ADAM7: variants seen among roughly 807,000 people sequenced by gnomAD.
ADAM7 encodes the protein disintegrin and metalloproteinase domain-containing protein 7.
ADAM7 carries 97 observed loss-of-function variants against 102.9 expected under a neutral mutation model. That is an observed-to-expected ratio of 0.94 (90% CI 0.80 to 1.12). ADAM7 has a LOEUF of 1.12. Among genes scored for constraint, ADAM7 ranks in the 50% most tolerant of loss-of-function variants. The pLI is 0.00. For missense variants in ADAM7, 991 were observed against 908.7 expected (o/e 1.09, Z -1.16); for synonymous variants, 334 against 304.4 (o/e 1.10, Z -1.01).
At chr8:24,481,146 T>C (rs1032401619) in intron 8 of ADAM7, among the ~76,000 whole-genome samples, 1 of 152,162 alleles carries the variant, frequency 6.6e-6, no homozygotes, top group Non-Finnish European at 1.5e-5. Context: ...CCAGGGTAGA[T>C]TTGAAGTCAG....
intron 16 of ADAM7, among the ~76,000 whole-genome samples, chr8:24,495,461 C>G (rs939797238): frequency 2.4e-4 from 36 of 151,438 alleles, no homozygotes; most frequent in African/African-American, 7.8e-4. Flanking sequence ...AATATAAGAG[C>G]CAAATGGAAA....
chr8:24,476,377 A>G lies in ADAM7; in HGVS notation c.634-56A>G, dbSNP rs1283677266. 11 of 1,318,918 alleles carry G rather than the reference A, an allele frequency of 8.3e-6. No individual in the cohort carries two copies. The Admixed American group carries it at 1.9e-4, about 23-fold the overall frequency. 81.7% of individuals were successfully genotyped at this position (1,318,918 alleles called of 1,614,324 possible). On this transcript the variant is annotated intron_variant, in intron 7 of 21. Transcript: ENST00000175238. ...AGCTGATGAATGAAGTATTTTGTTG[A>G]GCTTTTATGCAACTCCTATTATTAA...
chr8:24,466,648 A>G, intron 5 of ADAM7, 151 bp from the exon 6 acceptor site: 5 of 637,776 alleles, frequency 7.8e-6, no homozygotes, highest in Non-Finnish European at 1.3e-5. Flanking sequence ...AAGGCCTCAT[A>G]TCATCACATT....
chr8:24,504,240 C>G (rs1820870758), intron 20 of ADAM7, among the ~76,000 whole-genome samples: 1 of 151,698 alleles, frequency 6.6e-6, no homozygotes, highest in African/African-American at 2.4e-5. Flanking sequence ...ATGGTGCACA[C>G]CTGTAGTCCC....
At position 24,490,795 on chromosome 8, in the gene ADAM7, C is replaced by T. The variant is rs753708914; in HGVS notation, c.1267-4C>T. ...TCTCATCTCTCTTTTGTGGTTATTGCCAGGAGTGTACTAATCCTTGCTGTG... is the reference window on the plus strand; with the variant it reads ...TCTCATCTCTCTTTTGTGGTTATTGTCAGGAGTGTACTAATCCTTGCTGTG... On this transcript the variant is annotated splice_region_variant and splice_polypyrimidine_tract_variant and intron_variant, in intron 12 of 21. Coordinates refer to ENST00000175238, the MANE Select transcript of ADAM7 (RefSeq NM_003817.4). 1 of 1,612,042 alleles carries T rather than the reference C, an allele frequency of 6.2e-7. No individual in the cohort carries two copies. Among genetic ancestry groups the T allele is most frequent in the Non-Finnish European group, 8.5e-7 (1 of 1,179,200 alleles).
At chr8:24,461,646 T>A (rs1439315406) in intron 3 of ADAM7, among the ~76,000 whole-genome samples, 1 of 152,152 alleles carries the variant, frequency 6.6e-6, no homozygotes, top group Non-Finnish European at 1.5e-5. Context: ...ATCAGTATGT[T>A]AGTCTTTTGA....
At chr8:24,467,312 C>A in intron 6 of ADAM7, 1 of 364,212 alleles carries the variant, frequency 2.7e-6, no homozygotes, top group Non-Finnish European at 4.9e-6. Flanking sequence ...CCTTTTCTTC[C>A]CTGCCATTTT....
rs1819770185 is a variant in ADAM7 at position 24,476,420 on chromosome 8, T to G, written c.634-13T>G. On this transcript the variant is annotated splice_polypyrimidine_tract_variant and intron_variant, in intron 7 of 21. Transcript: ENST00000175238. ...ATTATTAATGAATATTAATATGATA[T>G]TTATATTTCCAGTATCGCAGAAATG... 3 of 1,573,922 alleles carry G rather than the reference T, an allele frequency of 1.9e-6. No homozygotes were observed. Among genetic ancestry groups the G allele is most frequent in the African/African-American group, 2.7e-5 (2 of 73,972 alleles).
At chr8:24,442,720 GA>G in intron 2 of ADAM7, 144 bp downstream of exon 2, 1 of 666,416 alleles carries the variant, frequency 1.5e-6, no homozygotes, top group East Asian at 2.7e-5. Context: ...ATGTGCTTGG[GA>G]ATAAGCAACC....
chr8:24,469,380 A>G (rs78842359), intron 7 of ADAM7, among the ~76,000 whole-genome samples: 3,453 of 152,300 alleles, frequency 0.023, 57 homozygotes, highest in Non-Finnish European at 0.037. Flanking sequence ...CTGTCTGCCT[A>G]TAGCCATGAG....
In ADAM7 at chr8:24,487,326, C is replaced by T. The variant is rs146199124; in HGVS notation, c.1091+9C>T. On this transcript the variant is annotated intron_variant, in intron 11 of 21. Coordinates refer to ENST00000175238, the MANE Select transcript of ADAM7 (RefSeq NM_003817.4). ...ATGGACAGTGATGGAAGGTGAGATT[C>T]GAACAATGTACAGAATACACTTACA... 9.8e-5 allele frequency: 158 copies of T among 1,612,788 alleles called. 1 individual carries two copies. The highest frequency in any genetic ancestry group is 9.6e-4 in the South Asian group (87 of 91,018).
At chr8:24,489,494 T>C (rs1820264355) in intron 12 of ADAM7, among the ~76,000 whole-genome samples, 161 bp downstream of exon 12, 1 of 152,206 alleles carries the variant, frequency 6.6e-6, no homozygotes, top group African/African-American at 2.4e-5. Flanking sequence ...AAATTATTGG[T>C]GCAGCCTCAT....
Position 24,492,068 on chromosome 8 carries a change from G to C in ADAM7, c.1522G>C (p.Glu508Gln), listed in dbSNP as rs757672781. The C allele has an allele frequency of 6.2e-7, 1 of 1,613,762 alleles. No individual in the cohort carries two copies. Among genetic ancestry groups the C allele is most frequent in the South Asian group, 1.1e-5 (1 of 91,036 alleles). Reference protein sequence around the residue: ...YCFMGKCPTREDQCSELFDDE... With the variant: ...YCFMGKCPTRQDQCSELFDDE... ...TTTCATGGGGAAATGTCCAACTCGT[G>C]AGGATCAGTGCTCTGAACTATTTGA... The change falls in exon 14 of 22, where the codon GAG becomes CAG. Residue 508 changes from glutamate (E) to glutamine (Q), a missense_variant. By Grantham distance (29) the Glu-to-Gln change is conservative (BLOSUM62 2). Transcript: ENST00000175238.
chr8:24,481,467 G>T (rs2129388112), intron 8 of ADAM7, among the ~76,000 whole-genome samples: 1 of 152,176 alleles, frequency 6.6e-6, no homozygotes, highest in Non-Finnish European at 1.5e-5. Flanking sequence ...ATATAAAACT[G>T]ATACAACACA....
intron 8 of ADAM7, among the ~76,000 whole-genome samples, chr8:24,479,732 C>T (rs1819886545): frequency 6.6e-6 from 1 of 152,136 alleles, no homozygotes; most frequent in Admixed American, 6.5e-5. Context: ...GATATTTGGT[C>T]AGTTCTTTCT....
chr8:24,455,015 T>C (rs1469684684), intron 3 of ADAM7, among the ~76,000 whole-genome samples: 1 of 152,168 alleles, frequency 6.6e-6, no homozygotes, highest in African/African-American at 2.4e-5. Context: ...ACCAGAAATA[T>C]TAATTTAGAA....
chr8:24,483,245 A>G (rs1050632634), intron 9 of ADAM7, among the ~76,000 whole-genome samples: 6 of 152,190 alleles, frequency 3.9e-5, no homozygotes, highest in Non-Finnish European at 8.8e-5. Context: ...CCAGAGGAAA[A>G]GGATAAGTAA....
At chr8:24,468,060 T>A (rs902100994) in intron 6 of ADAM7, among the ~76,000 whole-genome samples, 2 of 152,014 alleles carry the variant, frequency 1.3e-5, no homozygotes, top group Non-Finnish European at 2.9e-5. Context: ...AGTGAGACCC[T>A]GTCTCAAAAG....
chr8:24,501,607 TATTG>T, intron 20 of ADAM7, 31 bp downstream of exon 20: 3 of 1,526,576 alleles, frequency 2.0e-6, no homozygotes, highest in Non-Finnish European at 2.6e-6. Context: ...ACAGTTAATT[TATTG>T]ATTTTTTTTT....
Sources: allele counts gnomAD v4.1 joint callset (sites outside exome capture counted in the v4.1 genomes callset), GRCh38; gene constraint gnomAD v4.1.1; transcripts MANE v1.5; gene names NCBI Gene and HGNC (gene_info 2026-07-23, HGNC 2026-07-21).